Variants in DNM3 observed in about 807,000 individuals in gnomAD.
DNM3 encodes dynamin 3.
Under a neutral mutation model 101.6 loss-of-function variants are expected in DNM3, and 47 were observed. The observed-to-expected ratio is 0.46, with a 90% CI of 0.37 to 0.59. DNM3 has a LOEUF of 0.59. Among genes scored for constraint, DNM3 ranks in the 20% least tolerant of loss-of-function variants. The pLI is 0.00. For missense variants in DNM3, 849 were observed against 1,085.7 expected, an observed-to-expected ratio of 0.78 and a Z score of 3.06; for synonymous variants, 385 against 387.9, an observed-to-expected ratio of 0.99 and a Z score of 0.09.
intron 15 of DNM3, among the ~76,000 whole-genome samples, chr1:172,269,819 C>T (rs1168819200): frequency 1.3e-5 from 2 of 152,130 alleles, no homozygotes; most frequent in Admixed American, 6.5e-5. Flanking sequence ...AGTAGTGAGA[C>T]AGCAAGTGTT....
intron 10 of DNM3, among the ~76,000 whole-genome samples, chr1:172,052,672 T>C (rs2050290526): frequency 6.6e-6 from 1 of 152,156 alleles, no homozygotes; most frequent in Non-Finnish European, 1.5e-5. Flanking sequence ...TCCTCTCTCA[T>C]GGGTTCTCTT....
chr1:172,405,612 A>T (rs1044255363), intron 20 of DNM3, among the ~76,000 whole-genome samples: 2 of 152,054 alleles, frequency 1.3e-5, no homozygotes, highest in African/African-American at 4.8e-5. Context: ...GTCTAAAATC[A>T]ACTTTTTATT....
At chr1:172,195,570 T>C (rs1315871708) in intron 14 of DNM3, among the ~76,000 whole-genome samples, 6 of 151,888 alleles carry the variant, frequency 4.0e-5, no homozygotes, top group Non-Finnish European at 7.4e-5. Flanking sequence ...TTTTTGTAGA[T>C]GTTCATTATC....
chr1:172,023,372 T>C (rs532566629), intron 4 of DNM3, among the ~76,000 whole-genome samples: 1 of 152,282 alleles, frequency 6.6e-6, no homozygotes. Context: ...GGTAAAATAT[T>C]TTGAGATTTG....
At chr1:172,378,263 T>C (rs1389785603) in intron 17 of DNM3, 2 of 152,050 alleles carry the variant, frequency 1.3e-5, no homozygotes, top group African/African-American at 4.8e-5. Context: ...CAGCCTCTGG[T>C]GGATAAGCCA....
intron 14 of DNM3, among the ~76,000 whole-genome samples, chr1:172,202,694 T>C (rs2060194232): frequency 6.6e-6 from 1 of 152,166 alleles, no homozygotes; most frequent in East Asian, 1.9e-4. Flanking sequence ...GCGTGAGAAC[T>C]ATGTCTGAGA....
chr1:171,885,498 T>G (rs1423019822), intron 1 of DNM3, among the ~76,000 whole-genome samples: 1 of 152,012 alleles, frequency 6.6e-6, no homozygotes, highest in Non-Finnish European at 1.5e-5. Flanking sequence ...CTCTGAAAAA[T>G]TTTTTGAAAG....
chr1:172,223,030 G>A (rs1292187084), intron 14 of DNM3, among the ~76,000 whole-genome samples: 3 of 151,806 alleles, frequency 2.0e-5, no homozygotes, highest in Admixed American at 6.6e-5. Context: ...TGTTCAAATC[G>A]GGGTAATTAG....
At chr1:172,061,983 C>T (rs1056450918) in intron 10 of DNM3, among the ~76,000 whole-genome samples, 2 of 152,092 alleles carry the variant, frequency 1.3e-5, no homozygotes. Flanking sequence ...GCCCAGGCTT[C>T]GAATCAGACT....
chr1:172,090,713 C>T (rs942500917), intron 12 of DNM3, among the ~76,000 whole-genome samples: 3 of 152,160 alleles, frequency 2.0e-5, no homozygotes, highest in African/African-American at 7.2e-5. Flanking sequence ...AGTGTTTTTT[C>T]ATGAGTTTGA....
intron 15 of DNM3, among the ~76,000 whole-genome samples, chr1:172,293,432 C>A (rs2064014328): frequency 6.6e-6 from 1 of 152,160 alleles, no homozygotes; most frequent in South Asian, 2.1e-4. Context: ...TGACTTATTT[C>A]TTTAAACTAA....
intron 4 of DNM3, among the ~76,000 whole-genome samples, chr1:171,993,304 G>T (rs761078253): frequency 6.6e-6 from 1 of 151,736 alleles, no homozygotes; most frequent in Non-Finnish European, 1.5e-5. Flanking sequence ...GATTCTCTTG[G>T]TTTTTGTTTA....
chr1:172,012,358 C>T (rs938450801), intron 4 of DNM3, among the ~76,000 whole-genome samples: 2 of 152,062 alleles, frequency 1.3e-5, no homozygotes, highest in African/African-American at 4.8e-5. Flanking sequence ...TCACATCTCA[C>T]ATTCCACTAG....
chr1:171,947,202 T>C (rs1286608556), intron 2 of DNM3, among the ~76,000 whole-genome samples: 1 of 152,110 alleles, frequency 6.6e-6, no homozygotes, highest in Non-Finnish European at 1.5e-5. Flanking sequence ...AATGGCAGCA[T>C]GGTGGAAGGC....
rs937521269 is a variant in DNM3, at chr1:172,408,309, C to G, written c.*468C>G. Reference sequence around the variant, plus strand: ...AATGCTACTACCTACTCCATAATTGCCTATTTAGCTCCTCTTTTCTTCCTT... The same window carrying G: ...AATGCTACTACCTACTCCATAATTGGCTATTTAGCTCCTCTTTTCTTCCTT... On this transcript the variant is annotated 3_prime_UTR_variant, in exon 21 of 21. Transcript: ENST00000627582. The G allele has an allele frequency of 1.0e-6, 1 of 986,468 alleles. No individual in the cohort carries two copies. The highest frequency in any genetic ancestry group is 1.7e-5 in the African/African-American group (1 of 57,174). The allele number at this position is 986,468 out of a possible 1,614,324, so 61.1% of individuals were successfully genotyped here. A position where few individuals can be genotyped will look rare whatever the true frequency, so the allele number is the denominator to read the frequency against.
intron 4 of DNM3, among the ~76,000 whole-genome samples, chr1:172,009,501 A>G (rs947674705): frequency 1.3e-5 from 2 of 151,664 alleles, no homozygotes; most frequent in Non-Finnish European, 3.0e-5. Flanking sequence ...AATTAAATTA[A>G]AATTTAATTA....
At chr1:172,160,537 C>G (rs2058510565) in intron 14 of DNM3, among the ~76,000 whole-genome samples, 1 of 151,940 alleles carries the variant, frequency 6.6e-6, no homozygotes, top group East Asian at 1.9e-4. Context: ...TTGTTTTCCA[C>G]CTTCACATCT....
At chr1:172,164,913 TCATTTGTTTCAAAGCCCAAAGCAAG>T (rs1356229147) in intron 14 of DNM3, among the ~76,000 whole-genome samples, 6 of 152,188 alleles carry the variant, frequency 3.9e-5, no homozygotes, top group African/African-American at 1.4e-4. Flanking sequence ...GTTCTTCTAG[TCATTTGTTTCAAAGCCCAAAGCAAG>T]CATGCCTCCT....
At chr1:172,395,082 C>A (rs1227375458) in intron 20 of DNM3, among the ~76,000 whole-genome samples, 1 of 152,116 alleles carries the variant, frequency 6.6e-6, no homozygotes, top group Non-Finnish European at 1.5e-5. Flanking sequence ...TTGCTCATAG[C>A]TCTTTCACCT....
Sources: allele counts gnomAD v4.1 joint callset (sites outside exome capture counted in the v4.1 genomes callset), GRCh38; gene constraint gnomAD v4.1.1; transcripts MANE v1.5; gene names NCBI Gene and HGNC (gene_info 2026-07-23, HGNC 2026-07-21).